The following NRG1 variants were observed in gnomAD, a reference collection of about 807,000 sequenced individuals.
NRG1 encodes the protein pro-neuregulin-1, membrane-bound isoform.
NRG1 carries 18 observed loss-of-function variants against 63.8 expected under a neutral mutation model. That is an observed-to-expected ratio of 0.28 (90% CI 0.19 to 0.42). The LOEUF (loss-of-function observed/expected upper bound fraction) is 0.42. Ranked by LOEUF, NRG1 falls within the 10% of genes least tolerant of loss-of-function variation. The pLI is 1.00. For missense variants in NRG1, 762 were observed against 814.7 expected, an observed-to-expected ratio of 0.94 and a Z score of 0.79; for synonymous variants, 302 against 301.3, an observed-to-expected ratio of 1.00 and a Z score of -0.02.
chr8:32,059,080 C>T lies in NRG1; in HGVS notation c.37+419649C>T, dbSNP rs374171052. Among the ~76,000 whole-genome samples the T allele has an allele frequency of 7.5e-4, 114 of 152,010 alleles. 3 individuals carry two copies. In the South Asian group the frequency reaches 0.023, roughly 31 times the overall value. On this transcript the variant is annotated intron_variant, in intron 1 of 10. Coordinates refer to the NRG1 transcript ENST00000519301. ...GTTAGGATTACATTTTTTTAAGAGA[C>T]CAATGTCATGACCTCTAACTCACTG...
intron 1 of NRG1, among the ~76,000 whole-genome samples, chr8:32,216,315 G>A (rs539166177): frequency 1.3e-5 from 2 of 149,196 alleles, no homozygotes; most frequent in East Asian, 2.0e-4. Flanking sequence ...ACCATCCCAA[G>A]CCAACTTTAG....
intron 1 of NRG1, among the ~76,000 whole-genome samples, chr8:31,830,302 TTTCCTTCCTTCCTTCCTTCC>T (rs375861946): frequency 0.013 from 1,618 of 122,730 alleles, 45 homozygotes; most frequent in African/African-American, 0.048. Flanking sequence ...GCTCTTCTTT[TTTCCTTCCTTCCTTCCTTCC>T]TTCCTTCCTT....
In NRG1 at chr8:32,686,682, T is replaced by C. The variant is rs575879132; in HGVS notation, c.503-41267T>C. 2.0e-5 allele frequency among the ~76,000 whole-genome samples: 3 copies of C among 152,340 alleles called. No individual in the cohort carries two copies. In the South Asian group the frequency reaches 6.2e-4, roughly 32 times the overall value. On this transcript the variant is annotated intron_variant, in intron 5 of 11. Coordinates refer to ENST00000356819, the Ensembl canonical transcript of NRG1. Reference sequence around the variant, plus strand: ...CCTTTTAAATCCAGCCCTCTGATTCTATAAGGCAAATGACAAGGCTGTCTA... The same window carrying C: ...CCTTTTAAATCCAGCCCTCTGATTCCATAAGGCAAATGACAAGGCTGTCTA...
At chr8:32,584,196 T>G (rs932315490) in intron 1 of NRG1, among the ~76,000 whole-genome samples, 1 of 152,174 alleles carries the variant, frequency 6.6e-6, no homozygotes, top group Non-Finnish European at 1.5e-5. Flanking sequence ...GGCCACAGAA[T>G]GTAGTCACAG....
chr8:31,937,009 T>C (rs1427602724), intron 1 of NRG1, among the ~76,000 whole-genome samples: 8 of 152,242 alleles, frequency 5.3e-5, no homozygotes, highest in African/African-American at 9.6e-5. Flanking sequence ...GAAGACTTCT[T>C]ACTCAGAGGT....
At chr8:32,337,245 A>C (rs1307642996) in intron 1 of NRG1, among the ~76,000 whole-genome samples, 1 of 152,058 alleles carries the variant, frequency 6.6e-6, no homozygotes, top group South Asian at 2.1e-4. Flanking sequence ...TCCTGAGCTC[A>C]AACAGTCCTC....
intron 1 of NRG1, among the ~76,000 whole-genome samples, chr8:32,167,263 A>G (rs1839500356): frequency 6.6e-6 from 1 of 152,210 alleles, no homozygotes; most frequent in African/African-American, 2.4e-5. Flanking sequence ...CATTAAAAGT[A>G]GAAAGTTTTG....
chr8:32,510,274 ACTG>A (rs201552802), intron 1 of NRG1, among the ~76,000 whole-genome samples: 1,766 of 152,084 alleles, frequency 0.012, 29 homozygotes, highest in African/African-American at 0.04. Context: ...AGGCAGAAGG[ACTG>A]CTTGAGCACA....
At chr8:32,607,904 T>C (rs1345325913) in intron 3 of NRG1, among the ~76,000 whole-genome samples, 1 of 152,124 alleles carries the variant, frequency 6.6e-6, no homozygotes, top group Non-Finnish European at 1.5e-5. Context: ...AGAATGAGAA[T>C]GAAGAGTCTC....
chr8:32,639,939 T>G (rs551932025), intron 5 of NRG1, among the ~76,000 whole-genome samples: 1 of 152,318 alleles, frequency 6.6e-6, no homozygotes, highest in African/African-American at 2.4e-5. Context: ...CTACATCCAT[T>G]ATCATTTTCA....
intron 1 of NRG1, among the ~76,000 whole-genome samples, chr8:32,015,204 T>A (rs1815327311): frequency 6.6e-6 from 1 of 152,112 alleles, no homozygotes; most frequent in African/African-American, 2.4e-5. Flanking sequence ...CCATAAAATA[T>A]TTTAGACAGC....
intron 5 of NRG1, among the ~76,000 whole-genome samples, chr8:32,719,496 ACT>A (rs1253212643): frequency 6.6e-6 from 1 of 151,818 alleles, no homozygotes. Context: ...AAAGATAAGG[ACT>A]CTTCTATTTT....
intron 1 of NRG1, among the ~76,000 whole-genome samples, chr8:31,856,960 G>T (rs1269569192): frequency 6.6e-6 from 1 of 152,204 alleles, no homozygotes; most frequent in Non-Finnish European, 1.5e-5. Flanking sequence ...TGAGGAGGCA[G>T]TCTGCCCATT....
chr8:32,040,695 A>C (rs1403290193), intron 1 of NRG1, among the ~76,000 whole-genome samples: 1 of 119,294 alleles, frequency 8.4e-6, no homozygotes, highest in Non-Finnish European at 1.8e-5. Flanking sequence ...ATATAAATTT[A>C]GTTCTGAAAT....
chr8:32,106,092 T>TG (rs1831222714), intron 1 of NRG1, among the ~76,000 whole-genome samples: 1 of 152,194 alleles, frequency 6.6e-6, no homozygotes, highest in African/African-American at 2.4e-5. Flanking sequence ...GTACAAACGT[T>TG]GTGTGTGCAT....
chr8:32,684,103 T>C (rs1055461738), intron 5 of NRG1, among the ~76,000 whole-genome samples: 1 of 152,020 alleles, frequency 6.6e-6, no homozygotes, highest in Non-Finnish European at 1.5e-5. Context: ...GAGGCGGAGG[T>C]TGCAGTGAGC....
chr8:32,654,988 TC>T (rs1322501161), intron 5 of NRG1, among the ~76,000 whole-genome samples: 1 of 152,168 alleles, frequency 6.6e-6, no homozygotes, highest in African/African-American at 2.4e-5. Flanking sequence ...AGTTAGACCA[TC>T]ATGTTAAATC....
At chr8:31,765,628 G>C (rs1327265147) in intron 1 of NRG1, among the ~76,000 whole-genome samples, 1 of 152,062 alleles carries the variant, frequency 6.6e-6, no homozygotes, top group Non-Finnish European at 1.5e-5. Context: ...CCTTCACATG[G>C]GCAAGTGTTT....
chr8:31,737,163 A>G (rs1814761523), intron 1 of NRG1, among the ~76,000 whole-genome samples: 1 of 152,118 alleles, frequency 6.6e-6, no homozygotes, highest in Non-Finnish European at 1.5e-5. Flanking sequence ...CTGAGAGCCT[A>G]GAAGTGGTGT....
Sources: gnomAD v4.1 joint callset for allele counts (sites outside exome capture counted in the v4.1 genomes callset) on GRCh38, gnomAD v4.1.1 for gene constraint, MANE v1.5 for transcripts, NCBI Gene and HGNC (gene_info 2026-07-23, HGNC 2026-07-21) for gene names.